CCDC178: variants seen among roughly 807,000 people sequenced by gnomAD.
The protein encoded by CCDC178 is coiled-coil domain-containing protein 178.
In CCDC178, 126 loss-of-function variants were observed where a neutral mutation model predicts 117.4. That is an observed-to-expected ratio of 1.07 (90% CI 0.93 to 1.24). CCDC178 has a LOEUF of 1.24. Ranked by LOEUF, CCDC178 falls within the 50% of genes most tolerant of loss-of-function variation. The pLI, the probability that CCDC178 is intolerant of heterozygous loss-of-function variation, is 0.00. For synonymous variants in CCDC178, 283 were observed against 313.4 expected (o/e 0.90, Z 1.02); for missense variants, 1,030 against 986.9 (o/e 1.04, Z -0.59).
At chr18:33,142,873 T>C (rs1034507113) in intron 20 of CCDC178, among the ~76,000 whole-genome samples, 1 of 152,190 alleles carries the variant, frequency 6.6e-6, no homozygotes, top group Admixed American at 6.5e-5. Context: ...GAAAATCTTA[T>C]TTTCCCCTTA....
chr18:32,969,955 C>T (rs1003401447), intron 22 of CCDC178, among the ~76,000 whole-genome samples: 7 of 151,990 alleles, frequency 4.6e-5, no homozygotes, highest in African/African-American at 4.8e-5. Context: ...AATAGTACTT[C>T]GTAAGAGCTC....
intron 6 of CCDC178, among the ~76,000 whole-genome samples, chr18:33,368,569 A>G (rs754152985): frequency 1.3e-4 from 20 of 151,868 alleles, no homozygotes; most frequent in Non-Finnish European, 2.1e-4. Context: ...TACCTGCCCT[A>G]TTATCCATAG....
rs36227101 is a variant in CCDC178 at position 33,278,282 on chromosome 18, CATATATAT to C, written c.1177-10993_1177-10986del. 8.8e-3 allele frequency among the ~76,000 whole-genome samples: 1,238 copies of C among 141,356 alleles called. 13 individuals carry two copies. Among genetic ancestry groups the C allele is most frequent in the African/African-American group, 0.023 (870 of 38,212 alleles). The allele number at this position is 141,356 out of a possible 152,430, so 92.7% of individuals were successfully genotyped here. On this transcript the variant is annotated intron_variant, in intron 12 of 22. Coordinates refer to ENST00000383096, the MANE Select transcript of CCDC178 (RefSeq NM_001105528.4). Reference sequence around the variant, plus strand: ...ACATACACATATATATACACAAATACATATATATATATATATATATATATATATATATA... The same window carrying C: ...ACATACACATATATATACACAAATACATATATATATATATATATATATATA...
At chr18:33,422,058 G>A (rs1488506545) in intron 2 of CCDC178, among the ~76,000 whole-genome samples, 1 of 152,124 alleles carries the variant, frequency 6.6e-6, no homozygotes, top group Non-Finnish European at 1.5e-5. Flanking sequence ...GGCAATGCAG[G>A]GGTCTTCCTC....
chr18:33,378,097 T>G (rs2063388747), intron 5 of CCDC178, among the ~76,000 whole-genome samples: 1 of 152,230 alleles, frequency 6.6e-6, no homozygotes, highest in African/African-American at 2.4e-5. Flanking sequence ...TTTTTCCATT[T>G]GTCTGTGTCA....
chr18:33,138,363 A>G (rs567583569), intron 20 of CCDC178, among the ~76,000 whole-genome samples: 1 of 152,308 alleles, frequency 6.6e-6, no homozygotes, highest in East Asian at 1.9e-4. Flanking sequence ...TATTACTATT[A>G]TAGCTTCCAG....
At chr18:32,998,822 G>A (rs1054444770) in intron 21 of CCDC178, among the ~76,000 whole-genome samples, 5 of 152,008 alleles carry the variant, frequency 3.3e-5, no homozygotes, top group South Asian at 4.2e-4. Context: ...AATAATGAGC[G>A]GTCATACCCA....
chr18:32,960,787 A>G (rs950914941), intron 22 of CCDC178, among the ~76,000 whole-genome samples: 16 of 152,118 alleles, frequency 1.1e-4, no homozygotes, highest in African/African-American at 3.9e-4. Context: ...TTAATCCTGC[A>G]CGAACTTTCT....
At chr18:32,958,773 C>T (rs554711678) in intron 22 of CCDC178, among the ~76,000 whole-genome samples, 1 of 152,232 alleles carries the variant, frequency 6.6e-6, no homozygotes, top group East Asian at 1.9e-4. Flanking sequence ...ATTCTGCAAG[C>T]TTGCTGCCTT....
At chr18:33,115,131 G>C (rs562114632) in intron 20 of CCDC178, among the ~76,000 whole-genome samples, 1 of 152,036 alleles carries the variant, frequency 6.6e-6, no homozygotes, top group Admixed American at 6.6e-5. Flanking sequence ...ATTCTTCCTT[G>C]CTTGGTTCTT....
At chr18:33,094,869 A>G (rs1323651847) in intron 20 of CCDC178, among the ~76,000 whole-genome samples, 1 of 152,010 alleles carries the variant, frequency 6.6e-6, no homozygotes, top group Non-Finnish European at 1.5e-5. Flanking sequence ...GAATATATGA[A>G]GGATGTATCA....
chr18:33,165,036 T>C (rs189334098), intron 20 of CCDC178, among the ~76,000 whole-genome samples: 2 of 152,374 alleles, frequency 1.3e-5, no homozygotes, highest in East Asian at 1.9e-4. Flanking sequence ...GTTAATATCA[T>C]GCTTATCTTT....
intron 20 of CCDC178, among the ~76,000 whole-genome samples, chr18:33,127,984 C>G (rs937267850): frequency 6.6e-6 from 1 of 152,058 alleles, no homozygotes; most frequent in Non-Finnish European, 1.5e-5. Flanking sequence ...ATGGGTGAAA[C>G]TGGGGCAGTT....
intron 21 of CCDC178, among the ~76,000 whole-genome samples, chr18:32,998,379 T>A (rs1486667505): frequency 1.3e-5 from 2 of 151,972 alleles, no homozygotes; most frequent in African/African-American, 4.8e-5. Flanking sequence ...GGATCCTAAA[T>A]AAACTCAAAA....
At chr18:33,291,921 G>A (rs1423069579) in intron 12 of CCDC178, among the ~76,000 whole-genome samples, 1 of 151,850 alleles carries the variant, frequency 6.6e-6, no homozygotes. Flanking sequence ...AACAAATGCT[G>A]TTGAAGATGC....
At chr18:33,175,978 A>G (rs1003141108) in intron 20 of CCDC178, among the ~76,000 whole-genome samples, 1 of 151,790 alleles carries the variant, frequency 6.6e-6, no homozygotes, top group Non-Finnish European at 1.5e-5. Context: ...TTTTTCTTTA[A>G]CTGAAATCTA....
chr18:33,328,305 G>A (rs59820601), intron 10 of CCDC178, among the ~76,000 whole-genome samples: 2,064 of 151,992 alleles, frequency 0.014, 52 homozygotes, highest in African/African-American at 0.047. Flanking sequence ...GTTTCACCAT[G>A]TTGGCCAGGA....
intron 6 of CCDC178, among the ~76,000 whole-genome samples, chr18:33,358,140 CA>C (rs1294939908): frequency 1.3e-5 from 2 of 151,764 alleles, no homozygotes; most frequent in African/African-American, 4.8e-5. Context: ...AGACAAGATA[CA>C]GTAAAAATAC....
chr18:33,205,226 A>G (rs1467357214), intron 20 of CCDC178, among the ~76,000 whole-genome samples: 1 of 152,068 alleles, frequency 6.6e-6, no homozygotes, highest in Non-Finnish European at 1.5e-5. Flanking sequence ...AACCAATAAA[A>G]CTATCATACA....
Sources: gnomAD v4.1 joint callset for allele counts (sites outside exome capture counted in the v4.1 genomes callset) on GRCh38, gnomAD v4.1.1 for gene constraint, MANE v1.5 for transcripts, NCBI Gene and HGNC (gene_info 2026-07-23, HGNC 2026-07-21) for gene names.